DLGAP1: variants seen among roughly 807,000 people sequenced by gnomAD.
The protein encoded by DLGAP1 is disks large-associated protein 1.
In DLGAP1, 11 loss-of-function variants were observed where a neutral mutation model predicts 90.8. The ratio of observed to expected loss-of-function variants is 0.12; its 90% CI spans 0.08 to 0.20. DLGAP1 has a LOEUF of 0.20. Among genes scored for constraint, DLGAP1 ranks in the 10% least tolerant of loss-of-function variants. The pLI is 1.00. For missense variants in DLGAP1, 1,050 were observed against 1,333.8 expected (o/e 0.79, Z 3.31); for synonymous variants, 558 against 540.7 (o/e 1.03, Z -0.44).
intron 1 of DLGAP1, among the ~76,000 whole-genome samples, chr18:4,224,928 T>C (rs185203243): frequency 6.4e-4 from 98 of 152,190 alleles, no homozygotes; most frequent in African/African-American, 2.3e-3. Flanking sequence ...CTTAGTGCAT[T>C]CACAGTGGTG....
intron 1 of DLGAP1, among the ~76,000 whole-genome samples, chr18:4,202,012 C>A: frequency 1.3e-5 from 2 of 152,126 alleles, no homozygotes; most frequent in Admixed American, 1.3e-4. Flanking sequence ...ATGTCAGAGA[C>A]CCCTGAGCTT....
rs201371296 is a variant in DLGAP1, at chr18:4,122,182, C to A, written c.-159+28998G>T. ...AGCTCCATAGAGAAAGTTGCATAGA[C>A]ACAACCTTTGCTTTCAGTGTATTTA... On this transcript the variant is annotated intron_variant, in intron 2 of 12. Coordinates refer to ENST00000315677, the MANE Select transcript of DLGAP1 (RefSeq NM_004746.4). 3.9e-5 allele frequency among the ~76,000 whole-genome samples: 6 copies of A among 152,286 alleles called. No individual in the cohort carries two copies. In the East Asian group the frequency reaches 1.2e-3, roughly 29 times the overall value.
intron 6 of DLGAP1, among the ~76,000 whole-genome samples, chr18:3,741,208 C>CCATCACCACCAT (rs2062989842): frequency 8.2e-6 from 1 of 121,852 alleles, no homozygotes; most frequent in Non-Finnish European, 1.7e-5. Context: ...CAAATCACCA[C>CCATCACCACCAT]CACCACCACC....
At chr18:4,049,255 T>A (rs1221823861) in intron 2 of DLGAP1, among the ~76,000 whole-genome samples, 1 of 150,570 alleles carries the variant, frequency 6.6e-6, no homozygotes, top group Non-Finnish European at 1.5e-5. Context: ...ATTATATGCC[T>A]GGTCGTAGAA....
intron 7 of DLGAP1, among the ~76,000 whole-genome samples, chr18:3,619,454 G>A (rs1406052024): frequency 6.6e-6 from 1 of 152,170 alleles, no homozygotes. Context: ...TGACTCAAAA[G>A]GGAAGGGACC....
At position 3,497,825 on chromosome 18, in the gene DLGAP1, T is replaced by C. The variant is rs1183966901; in HGVS notation, c.*1360A>G. ...ACTCTCTGCCAAAAGCCTTGACTTC[T>C]TTCAGTGTTTATGAATCATGACTCC... On this transcript the variant is annotated 3_prime_UTR_variant, in exon 13 of 13. Transcript: ENST00000315677. 1 of 152,226 alleles carries C rather than the reference T, an allele frequency of 6.6e-6. No homozygotes were observed. Among genetic ancestry groups the C allele is most frequent in the Non-Finnish European group, 1.5e-5 (1 of 68,048 alleles). The allele number at this position is 152,226 out of a possible 1,614,324, so 9.4% of individuals were successfully genotyped here. A position where few individuals can be genotyped will look rare whatever the true frequency, so the allele number is the denominator to read the frequency against.
At chr18:3,735,756 A>C (rs550838589) in intron 6 of DLGAP1, among the ~76,000 whole-genome samples, 1 of 152,090 alleles carries the variant, frequency 6.6e-6, no homozygotes, top group Non-Finnish European at 1.5e-5. Flanking sequence ...ACGGTAACTA[A>C]TTATTCCATT....
intron 1 of DLGAP1, among the ~76,000 whole-genome samples, chr18:4,201,570 T>C (rs2077607101): frequency 6.6e-6 from 1 of 152,170 alleles, no homozygotes; most frequent in Admixed American, 6.5e-5. Context: ...CCTCCAACTT[T>C]GTTCTTTTTG....
rs184490313 is a variant in DLGAP1 at position 3,779,053 on chromosome 18, C to T, written c.1172+35006G>A. Reference sequence around the variant, plus strand: ...CAAAGACCACCGTTCCTTTTCTTGACCACCCGCAGGTGGTGAGTGAGCAAG... The same window carrying T: ...CAAAGACCACCGTTCCTTTTCTTGATCACCCGCAGGTGGTGAGTGAGCAAG... On this transcript the variant is annotated intron_variant, in intron 5 of 12. Transcript: ENST00000315677. 1.2e-4 allele frequency among the ~76,000 whole-genome samples: 19 copies of T among 152,300 alleles called. No homozygotes were observed. The South Asian group carries it at 2.7e-3, about 22-fold the overall frequency.
At chr18:3,656,828 C>G (rs180723277) in intron 7 of DLGAP1, among the ~76,000 whole-genome samples, 13 of 152,024 alleles carry the variant, frequency 8.6e-5, no homozygotes, top group African/African-American at 1.4e-4. Flanking sequence ...CTCACTGCAA[C>G]CTCTGCCTCC....
At chr18:3,520,956 C>T (rs1309055406) in intron 10 of DLGAP1, among the ~76,000 whole-genome samples, 2 of 152,198 alleles carry the variant, frequency 1.3e-5, no homozygotes, top group Non-Finnish European at 2.9e-5. Flanking sequence ...CTCTGGCTGA[C>T]TCTGCCCTTC....
At chr18:4,329,884 C>T (rs567816856) in intron 1 of DLGAP1, among the ~76,000 whole-genome samples, 1 of 151,626 alleles carries the variant, frequency 6.6e-6, no homozygotes, top group Non-Finnish European at 1.5e-5. Flanking sequence ...TATTGCAGAC[C>T]CCATAAAACG....
At chr18:3,760,868 G>A (rs537212899) in intron 5 of DLGAP1, among the ~76,000 whole-genome samples, 76 of 152,260 alleles carry the variant, frequency 5.0e-4, no homozygotes, top group Admixed American at 7.8e-4. Context: ...GTTTTACAGC[G>A]GGAAGTTTGT....
At chr18:3,820,562 T>C (rs2067354055) in intron 4 of DLGAP1, among the ~76,000 whole-genome samples, 1 of 152,204 alleles carries the variant, frequency 6.6e-6, no homozygotes, top group Non-Finnish European at 1.5e-5. Flanking sequence ...GGTATTTCAA[T>C]GACAGCAGCC....
intron 2 of DLGAP1, among the ~76,000 whole-genome samples, chr18:4,144,276 G>C (rs1005228480): frequency 1.3e-5 from 2 of 152,200 alleles, no homozygotes; most frequent in African/African-American, 4.8e-5. Context: ...GCCAGAATTA[G>C]AGTTCTGACT....
intron 2 of DLGAP1, among the ~76,000 whole-genome samples, chr18:4,119,114 T>TG (rs113256990): frequency 0.13 from 20,162 of 152,072 alleles, 1,434 homozygotes; most frequent in Middle Eastern, 0.19. Flanking sequence ...TTTTTTGAGA[T>TG]GGGGTCTCAC....
chr18:3,933,609 GCTGT>G (rs1453550971), intron 3 of DLGAP1, among the ~76,000 whole-genome samples: 1 of 152,160 alleles, frequency 6.6e-6, no homozygotes, highest in Non-Finnish European at 1.5e-5. Flanking sequence ...CAGCTTTCTG[GCTGT>G]CTATTGTTCC....
At chr18:4,094,601 CTCTT>C (rs1331233108) in intron 2 of DLGAP1, among the ~76,000 whole-genome samples, 30 of 138,980 alleles carry the variant, frequency 2.2e-4, no homozygotes, top group South Asian at 1.4e-3. Context: ...TCCTTCCTTT[CTCTT>C]TCTTTTTTTT....
intron 2 of DLGAP1, among the ~76,000 whole-genome samples, chr18:4,053,474 C>T (rs546358289): frequency 6.6e-6 from 1 of 152,192 alleles, no homozygotes; most frequent in Non-Finnish European, 1.5e-5. Flanking sequence ...ATTATGGGAA[C>T]TGCAATTCAA....
Sources: allele counts gnomAD v4.1 joint callset (sites outside exome capture counted in the v4.1 genomes callset), GRCh38; gene constraint gnomAD v4.1.1; transcripts MANE v1.5; gene names NCBI Gene and HGNC (gene_info 2026-07-23, HGNC 2026-07-21).